Variants in PLEKHA5 observed in about 807,000 individuals in gnomAD.
PLEKHA5 encodes pleckstrin homology domain-containing family A member 5.
Under a neutral mutation model 181.9 loss-of-function variants are expected in PLEKHA5, and 55 were observed. The observed-to-expected ratio is 0.30, with a 90% CI of 0.24 to 0.38. The LOEUF (loss-of-function observed/expected upper bound fraction) is 0.38. Ranked by LOEUF, PLEKHA5 falls within the 10% of genes least tolerant of loss-of-function variation. PLEKHA5 has a pLI of 1.00. For missense variants in PLEKHA5, 1,432 were observed against 1,549.5 expected (o/e 0.92, Z 1.27); for synonymous variants, 535 against 529.4 (o/e 1.01, Z -0.15).
At chr12:19,334,870 C>CTATATATA (rs1461069710) in intron 20 of PLEKHA5, among the ~76,000 whole-genome samples, 1 of 26,266 alleles carries the variant, frequency 3.8e-5, no homozygotes, top group Non-Finnish European at 8.7e-5. Flanking sequence ...ATATATATAT[C>CTATATATA]TCTGTATACG....
At chr12:19,159,539 T>A (rs1227630890) in intron 3 of PLEKHA5, among the ~76,000 whole-genome samples, 1 of 152,200 alleles carries the variant, frequency 6.6e-6, no homozygotes, top group African/African-American at 2.4e-5. Context: ...ACTTCTGCTG[T>A]TCTGTTATTC....
At chr12:19,260,576 G>A (rs1371248432) in intron 6 of PLEKHA5, among the ~76,000 whole-genome samples, 1 of 152,110 alleles carries the variant, frequency 6.6e-6, no homozygotes, top group Non-Finnish European at 1.5e-5. Flanking sequence ...AATGCACAAG[G>A]CCAGGAACAG....
chr12:19,216,036 T>C (rs1405500035), intron 3 of PLEKHA5, among the ~76,000 whole-genome samples: 4 of 152,160 alleles, frequency 2.6e-5, no homozygotes, highest in African/African-American at 4.8e-5. Context: ...TAGAAGTCAA[T>C]AACATTGCTG....
chr12:19,241,283 T>C (rs1461437254), intron 3 of PLEKHA5, among the ~76,000 whole-genome samples: 2 of 152,188 alleles, frequency 1.3e-5, no homozygotes, highest in Non-Finnish European at 2.9e-5. Context: ...TTTGTTGTGC[T>C]GCTGGTTTGG....
chr12:19,305,996 C>A (rs964306746), intron 15 of PLEKHA5, among the ~76,000 whole-genome samples: 5 of 151,692 alleles, frequency 3.3e-5, no homozygotes, highest in African/African-American at 1.2e-4. Flanking sequence ...AGGAGAATCG[C>A]TTGAACCCAG....
chr12:19,211,061 C>A (rs7399295), intron 3 of PLEKHA5, among the ~76,000 whole-genome samples: 127,537 of 152,106 alleles, frequency 0.84, 54,921 homozygotes, highest in Non-Finnish European at 0.95. Context: ...TTATGGAGGA[C>A]TATTACATTA....
chr12:19,318,259 A>G (rs575348863), intron 16 of PLEKHA5, among the ~76,000 whole-genome samples: 1 of 152,234 alleles, frequency 6.6e-6, no homozygotes, highest in African/African-American at 2.4e-5. Context: ...AAAGATTTCA[A>G]GAAAAATTTC....
At chr12:19,272,040 C>G (rs746999151) in intron 10 of PLEKHA5, among the ~76,000 whole-genome samples, 8 of 152,132 alleles carry the variant, frequency 5.3e-5, no homozygotes, top group Non-Finnish European at 1.0e-4. Flanking sequence ...TTTATCAGAG[C>G]TTATCACTGT....
chr12:19,354,100 G>A, intron 26 of PLEKHA5, 98 bp downstream of exon 26: 1 of 317,560 alleles, frequency 3.1e-6, no homozygotes, highest in Non-Finnish European at 6.2e-6. Flanking sequence ...AATTATTTTT[G>A]CATACTCAAA....
At chr12:19,284,081 TG>T (rs750552610) in intron 12 of PLEKHA5, among the ~76,000 whole-genome samples, 1 of 152,112 alleles carries the variant, frequency 6.6e-6, no homozygotes, top group Non-Finnish European at 1.5e-5. Flanking sequence ...GTTGTTGTTT[TG>T]TTTTGAGATG....
rs530975507 is a variant in PLEKHA5 at position 19,316,857 on chromosome 12, C to T, written c.2118+1963C>T. Among the ~76,000 whole-genome samples the T allele has an allele frequency of 5.9e-5, 9 of 152,226 alleles. No homozygotes were observed. In the South Asian group the frequency reaches 1.9e-3, roughly 32 times the overall value. On this transcript the variant is annotated intron_variant, in intron 16 of 31. Coordinates refer to ENST00000429027, the MANE Select transcript of PLEKHA5 (RefSeq NM_001256470.2). ...GTTATTATCCAGGGAAAATGTACTG[C>T]TACAGTTTGCTTTTCTGAAGTTGAA... is the stretch of plus-strand genomic sequence containing the variant.
chr12:19,332,280 ACT>A (rs768105346), intron 20 of PLEKHA5, among the ~76,000 whole-genome samples: 2 of 151,938 alleles, frequency 1.3e-5, no homozygotes, highest in South Asian at 2.1e-4. Flanking sequence ...TCTCTAGAAA[ACT>A]CTGCAGCAAT....
intron 21 of PLEKHA5, among the ~76,000 whole-genome samples, chr12:19,340,949 AAAAAAAAAAAAAAG>A (rs894061274): frequency 0.01 from 1,043 of 99,920 alleles, 9 homozygotes; most frequent in Middle Eastern, 0.041. Flanking sequence ...GATCAATAAA[AAAAAAAAAAAAAAG>A]AAAGAAAAGA....
At chr12:19,192,595 CG>C (rs1470767471) in intron 3 of PLEKHA5, among the ~76,000 whole-genome samples, 3 of 152,108 alleles carry the variant, frequency 2.0e-5, no homozygotes, top group Non-Finnish European at 4.4e-5. Flanking sequence ...CCCAGCCACT[CG>C]GGTGGCTGAG....
In PLEKHA5 at chr12:19,287,514, G is replaced by C; in HGVS notation, c.1821G>C (p.Leu607=). Residue 607 remains leucine, a synonymous_variant, in exon 13 of 32, where the codon CTG becomes CTC. Transcript: ENST00000429027. Reference sequence around the variant, plus strand: ...ACAGAAGGTCAGTGCCAGCTGGCCTGACTTTACAGTCTGTTAGTCCCCAGA... The same window carrying C: ...ACAGAAGGTCAGTGCCAGCTGGCCTCACTTTACAGTCTGTTAGTCCCCAGA... ...VPDRRSVPAG[L]TLQSVSPQSL... 6.2e-7 allele frequency: 1 copy of C among 1,611,338 alleles called. No homozygotes were observed. The highest frequency in any genetic ancestry group is 1.1e-5 in the South Asian group (1 of 90,772).
At chr12:19,339,468 T>C (rs945927225) in intron 21 of PLEKHA5, among the ~76,000 whole-genome samples, 2 of 152,204 alleles carry the variant, frequency 1.3e-5, no homozygotes, top group Non-Finnish European at 2.9e-5. Flanking sequence ...GAAAATTTAG[T>C]AACCTTATTA....
intron 8 of PLEKHA5, 100 bp downstream of exon 8, chr12:19,265,950 A>AT (rs1248267139): frequency 3.7e-6 from 2 of 534,450 alleles, no homozygotes. Context: ...CCTTATAGTG[A>AT]TTTTTATATT....
intron 30 of PLEKHA5, among the ~76,000 whole-genome samples, chr12:19,366,912 A>T (rs1057028495): frequency 5.3e-5 from 8 of 152,002 alleles, no homozygotes; most frequent in Admixed American, 6.6e-5. Flanking sequence ...GACTCTTCAC[A>T]AATCTTTTCT....
At chr12:19,335,565 G>C (rs1354914891) in intron 20 of PLEKHA5, among the ~76,000 whole-genome samples, 1 of 147,574 alleles carries the variant, frequency 6.8e-6, no homozygotes, top group Non-Finnish European at 1.5e-5. Flanking sequence ...ACAGGCGCCT[G>C]CCACTGCGCC....
Sources: gnomAD v4.1 joint callset for allele counts (sites outside exome capture counted in the v4.1 genomes callset) on GRCh38, gnomAD v4.1.1 for gene constraint, MANE v1.5 for transcripts, NCBI Gene and HGNC (gene_info 2026-07-23, HGNC 2026-07-21) for gene names.